The following HECW1 variants were observed in gnomAD, a reference collection of about 807,000 sequenced individuals.
HECW1 encodes E3 ubiquitin-protein ligase HECW1.
A neutral mutation model predicts 182.3 loss-of-function variants in HECW1; 61 were observed. The ratio of observed to expected loss-of-function variants is 0.33; its 90% CI spans 0.27 to 0.41. The LOEUF is 0.41. Ranked by LOEUF, HECW1 falls within the 10% of genes least tolerant of loss-of-function variation. The pLI, the probability that HECW1 is intolerant of heterozygous loss-of-function variation, is 1.00. For synonymous variants in HECW1, 859 were observed against 832.6 expected (o/e 1.03, Z -0.55); for missense variants, 1,739 against 2,108.9 (o/e 0.82, Z 3.44).
chr7:43,369,815 C>A (rs1817109850), intron 6 of HECW1, among the ~76,000 whole-genome samples: 1 of 152,158 alleles, frequency 6.6e-6, no homozygotes, highest in African/African-American at 2.4e-5. Flanking sequence ...ACAGAATAGA[C>A]AAAACGAAAT....
At chr7:43,130,816 C>G (rs1309692354) in intron 2 of HECW1, among the ~76,000 whole-genome samples, 2 of 152,026 alleles carry the variant, frequency 1.3e-5, no homozygotes, top group Non-Finnish European at 2.9e-5. Context: ...ACATTTCAAA[C>G]GTTGTAGTAT....
chr7:43,425,636 G>T (rs968807522), intron 8 of HECW1, among the ~76,000 whole-genome samples: 1 of 152,138 alleles, frequency 6.6e-6, no homozygotes, highest in African/African-American at 2.4e-5. Context: ...TGGAAGCTGG[G>T]AAGTCCAGTA....
Position 43,445,482 on chromosome 7 carries a change from A to T in HECW1, c.2310A>T (p.Gln770His). ...CCACGAACGGCGCTGGGCCGTGGCA[A>T]GACGAGCTGGCCGCCCCTAGCGGGC... ...PESTNGAGPW[Q>H]DELAAPSGHV... The change falls in exon 11 of 30, where the codon CAA (glutamine) becomes CAT (histidine). Residue 770 changes from glutamine (Q) to histidine (H), a missense_variant. Gln to His is a conservative substitution (Grantham distance 24, BLOSUM62 0). Around this residue, in one of 5 missense-constraint regions of HECW1, gnomAD observed 971 missense variants for 1,029.1 expected, o/e 0.94. Coordinates refer to ENST00000395891, the MANE Select transcript of HECW1 (RefSeq NM_015052.5). 6.2e-7 allele frequency: 1 copy of T among 1,612,230 alleles called. No homozygotes were observed. Among genetic ancestry groups the T allele is most frequent in the South Asian group, 1.1e-5 (1 of 91,068 alleles).
At chr7:43,179,832 A>G (rs1401439019) in intron 2 of HECW1, among the ~76,000 whole-genome samples, 1 of 152,190 alleles carries the variant, frequency 6.6e-6, no homozygotes, top group Non-Finnish European at 1.5e-5. Flanking sequence ...ATTTTTGAAA[A>G]CATGATTGAG....
intron 3 of HECW1, among the ~76,000 whole-genome samples, chr7:43,252,876 T>C (rs1172708813): frequency 1.3e-5 from 2 of 152,360 alleles, no homozygotes; most frequent in East Asian, 3.9e-4. Flanking sequence ...TAAAAGACAG[T>C]TGTTGTTAAA....
chr7:43,428,621 G>T (rs2152863291), intron 8 of HECW1, among the ~76,000 whole-genome samples: 1 of 152,332 alleles, frequency 6.6e-6, no homozygotes, highest in South Asian at 2.1e-4. Context: ...GGCTCCTGAA[G>T]TTTGACCAAG....
Position 43,469,125 on chromosome 7 carries a change from G to A in HECW1, c.3099+20G>A, listed in dbSNP as rs567131648. The A allele has an allele frequency of 4.6e-5, 74 of 1,609,942 alleles. No individual in the cohort carries two copies. The East Asian group carries it at 1.1e-3, about 23-fold the overall frequency. On this transcript the variant is annotated intron_variant, in intron 16 of 29. Coordinates refer to ENST00000395891, the MANE Select transcript of HECW1 (RefSeq NM_015052.5). ...GGAAAGGTGAGTGTGACCCACGTGCGGGGCTTTCATCAAACAGGCTCCTTC... is the reference window on the plus strand; with the variant it reads ...GGAAAGGTGAGTGTGACCCACGTGCAGGGCTTTCATCAAACAGGCTCCTTC...
intron 2 of HECW1, among the ~76,000 whole-genome samples, chr7:43,226,784 C>A (rs966651206): frequency 2.0e-5 from 3 of 152,176 alleles, no homozygotes; most frequent in African/African-American, 7.2e-5. Flanking sequence ...ATGCTGCCCT[C>A]CGAAGAGCCT....
chr7:43,318,574 G>A (rs1809636662), intron 4 of HECW1, among the ~76,000 whole-genome samples: 3 of 152,220 alleles, frequency 2.0e-5, no homozygotes. Flanking sequence ...ATCTCATTTA[G>A]TGCTCCCCTG....
chr7:43,138,623 A>G (rs1787824282), intron 2 of HECW1, among the ~76,000 whole-genome samples: 1 of 152,230 alleles, frequency 6.6e-6, no homozygotes, highest in Non-Finnish European at 1.5e-5. Context: ...AACTATGTCT[A>G]CAACGTTTGC....
At chr7:43,313,002 A>T (rs2152773535) in intron 4 of HECW1, among the ~76,000 whole-genome samples, 1 of 152,372 alleles carries the variant, frequency 6.6e-6, no homozygotes, top group East Asian at 1.9e-4. Context: ...CGGATTTAAC[A>T]TCACAGAAAG....
intron 2 of HECW1, among the ~76,000 whole-genome samples, chr7:43,229,716 G>C (rs901031914): frequency 1.3e-5 from 2 of 152,168 alleles, no homozygotes; most frequent in African/African-American, 4.8e-5. Flanking sequence ...TAAAGGAAAT[G>C]GGTGAAATTT....
At chr7:43,337,987 G>A (rs1429899764) in intron 5 of HECW1, among the ~76,000 whole-genome samples, 1 of 152,220 alleles carries the variant, frequency 6.6e-6, no homozygotes, top group African/African-American at 2.4e-5. Context: ...ATATTTATGT[G>A]CTTTGAGTTG....
chr7:43,271,661 C>T (rs1802420934), intron 3 of HECW1, among the ~76,000 whole-genome samples: 1 of 151,916 alleles, frequency 6.6e-6, no homozygotes, highest in Non-Finnish European at 1.5e-5. Flanking sequence ...AAGATTTGTA[C>T]AAGGAGAACT....
chr7:43,268,419 C>A (rs911075444), intron 3 of HECW1, among the ~76,000 whole-genome samples: 19 of 152,234 alleles, frequency 1.2e-4, no homozygotes, highest in Middle Eastern at 3.2e-3. Context: ...AACCCAGAGG[C>A]TCTCACCTGG....
At chr7:43,440,636 A>G (rs140180839) in intron 9 of HECW1, 1 of 152,382 alleles carries the variant, frequency 6.6e-6, no homozygotes, top group East Asian at 1.9e-4. Flanking sequence ...GCAAAGCATA[A>G]TAAATGTAAT....
At chr7:43,375,179 A>G (rs1235663179) in intron 6 of HECW1, among the ~76,000 whole-genome samples, 4 of 152,220 alleles carry the variant, frequency 2.6e-5, no homozygotes, top group Non-Finnish European at 5.9e-5. Flanking sequence ...GAACTGAAGA[A>G]TGCTATAAAC....
At chr7:43,285,533 C>A (rs1804529134) in intron 3 of HECW1, among the ~76,000 whole-genome samples, 1 of 152,234 alleles carries the variant, frequency 6.6e-6, no homozygotes, top group Middle Eastern at 3.4e-3. Flanking sequence ...AAATAAAGAA[C>A]CTACAGTGGT....
chr7:43,460,739 C>G (rs1041192671), intron 13 of HECW1, among the ~76,000 whole-genome samples: 1 of 152,146 alleles, frequency 6.6e-6, no homozygotes, highest in Non-Finnish European at 1.5e-5. Flanking sequence ...GTTTAAAGCT[C>G]GGGAGCCTCT....
Sources: gnomAD v4.1 joint callset for allele counts (sites outside exome capture counted in the v4.1 genomes callset) on GRCh38, gnomAD v4.1.1 for gene constraint, gnomAD v4.1.1 regional missense constraint, MANE v1.5 for transcripts, NCBI Gene and HGNC (gene_info 2026-07-23, HGNC 2026-07-21) for gene names.